NLGN1: variants seen among roughly 807,000 people sequenced by gnomAD.
The protein encoded by NLGN1 is neuroligin-1.
A neutral mutation model predicts 65.5 loss-of-function variants in NLGN1; 12 were observed. The observed-to-expected ratio is 0.18, with a 90% CI of 0.12 to 0.30. NLGN1 has a LOEUF of 0.30. NLGN1 is among the 10% of genes least tolerant of loss of function. The pLI, the probability that NLGN1 is intolerant of heterozygous loss-of-function variation, is 1.00. For synonymous variants in NLGN1, 350 were observed against 359.5 expected, an observed-to-expected ratio of 0.97 and a Z score of 0.30; for missense variants, 750 against 1,007.1, an observed-to-expected ratio of 0.74 and a Z score of 3.46.
intron 4 of NLGN1, among the ~76,000 whole-genome samples, chr3:174,058,662 T>C (rs1736712106): frequency 6.6e-6 from 1 of 152,124 alleles, no homozygotes. Flanking sequence ...TTAATAAAAC[T>C]ATTAATAAGT....
chr3:173,703,906 T>A (rs1476842252), intron 3 of NLGN1, among the ~76,000 whole-genome samples: 1 of 152,198 alleles, frequency 6.6e-6, no homozygotes, highest in Non-Finnish European at 1.5e-5. Context: ...TTATTTTAAA[T>A]GGAATGGTCT....
chr3:174,234,116 A>G (rs761207280), intron 4 of NLGN1, among the ~76,000 whole-genome samples: 38 of 152,286 alleles, frequency 2.5e-4, no homozygotes, highest in Middle Eastern at 3.4e-3. Context: ...CAGAAGAAAG[A>G]ATTCAACCAA....
At chr3:174,055,630 A>G (rs1338400816) in intron 4 of NLGN1, among the ~76,000 whole-genome samples, 4 of 152,056 alleles carry the variant, frequency 2.6e-5, no homozygotes, top group African/African-American at 7.2e-5. Flanking sequence ...CTAAGCAACA[A>G]TTGAATGCCA....
chr3:173,513,380 T>C (rs903370516), intron 2 of NLGN1, among the ~76,000 whole-genome samples: 3 of 152,286 alleles, frequency 2.0e-5, no homozygotes, highest in Admixed American at 2.0e-4. Flanking sequence ...TTCACCAATT[T>C]GTCATTTACA....
intron 3 of NLGN1, among the ~76,000 whole-genome samples, chr3:173,688,257 A>G (rs1329662728): frequency 6.6e-6 from 1 of 152,198 alleles, no homozygotes; most frequent in Non-Finnish European, 1.5e-5. Context: ...CAATTCTATT[A>G]TGGAGATTTT....
At chr3:173,443,087 A>G (rs1192008585) in intron 2 of NLGN1, among the ~76,000 whole-genome samples, 1 of 151,826 alleles carries the variant, frequency 6.6e-6, no homozygotes, top group South Asian at 2.1e-4. Context: ...TTAAAATTAA[A>G]TGCCAGTCAG....
At position 173,539,739 on chromosome 3, in the gene NLGN1, T is replaced by TAGGTACATATATAACATAC. The variant is rs1738359011; in HGVS notation, c.-320-64539_-320-64538insGGTACATATATAACATACA. ...ATGTACATATGCACATATATACATATATGTACATATATAACATATACATGT... is the reference window on the plus strand; with the variant it reads ...ATGTACATATGCACATATATACATATAGGTACATATATAACATACATGTACATATATAACATATACATGT... On this transcript the variant is annotated intron_variant, in intron 2 of 6. Coordinates refer to ENST00000457714, the Ensembl canonical transcript of NLGN1. 3.1e-5 allele frequency among the ~76,000 whole-genome samples: 4 copies of TAGGTACATATATAACATAC among 128,726 alleles called. No individual in the cohort carries two copies. The South Asian group carries it at 7.3e-4, about 24-fold the overall frequency. 84.4% of individuals were successfully genotyped at this position (128,726 alleles called of 152,430 possible).
chr3:173,961,305 G>A (rs1713505555), intron 4 of NLGN1, among the ~76,000 whole-genome samples: 1 of 151,882 alleles, frequency 6.6e-6, no homozygotes, highest in Admixed American at 6.6e-5. Context: ...AATTGTAGGA[G>A]GACCTTAAAA....
At chr3:174,269,239 T>C (rs1433857879) in intron 4 of NLGN1, among the ~76,000 whole-genome samples, 1 of 152,010 alleles carries the variant, frequency 6.6e-6, no homozygotes, top group Non-Finnish European at 1.5e-5. Flanking sequence ...AGTAACTGTA[T>C]TAATATATTA....
chr3:173,550,787 T>C (rs1392059697), intron 2 of NLGN1, among the ~76,000 whole-genome samples: 1 of 152,134 alleles, frequency 6.6e-6, no homozygotes, highest in Non-Finnish European at 1.5e-5. Flanking sequence ...AACAGCAGAA[T>C]GCAAACTAGG....
At chr3:173,845,308 C>G in intron 4 of NLGN1, among the ~76,000 whole-genome samples, 1 of 152,086 alleles carries the variant, frequency 6.6e-6, no homozygotes. Context: ...TGGGGCCTGT[C>G]TTATTGGACC....
At chr3:173,419,748 A>ATCAAGAGG (rs1354314283) in intron 1 of NLGN1, among the ~76,000 whole-genome samples, 1 of 152,034 alleles carries the variant, frequency 6.6e-6, no homozygotes, top group Non-Finnish European at 1.5e-5. Context: ...AGGTGGGTGG[A>ATCAAGAGG]TCAAGAGGTC....
chr3:173,771,583 G>T (rs1398445921), intron 3 of NLGN1, among the ~76,000 whole-genome samples: 3 of 33,656 alleles, frequency 8.9e-5, no homozygotes, highest in South Asian at 1.3e-3. Context: ...ATTGTATGAG[G>T]TTTGTATGTT....
chr3:173,870,463 A>G (rs1395469561), intron 4 of NLGN1, among the ~76,000 whole-genome samples: 2 of 152,176 alleles, frequency 1.3e-5, no homozygotes, highest in Non-Finnish European at 2.9e-5. Context: ...AGCTGGTTTT[A>G]GATAACAAAT....
rs375618792 is a variant in NLGN1 at position 173,499,487 on chromosome 3, G to A, written c.-321+64409G>A. On this transcript the variant is annotated intron_variant, in intron 2 of 6. Transcript: ENST00000457714. ...GTAGTATAGTTTGAAGTCAGGTAGC[G>A]TGATGCCTCCAGCTTTGTTCTTTTG... Among the ~76,000 whole-genome samples, 399 of 151,914 alleles carry A rather than the reference G, an allele frequency of 2.6e-3. 3 individuals carry two copies. Among genetic ancestry groups the A allele is most frequent in the East Asian group, 0.019 (100 of 5,174 alleles).
At chr3:173,446,221 C>T (rs1478234621) in intron 2 of NLGN1, among the ~76,000 whole-genome samples, 2 of 59,516 alleles carry the variant, frequency 3.4e-5, no homozygotes, top group African/African-American at 1.0e-4. Context: ...CCCCCTACCC[C>T]CACCCCACAA....
chr3:173,845,783 T>C (rs1344462178), intron 4 of NLGN1, among the ~76,000 whole-genome samples: 1 of 152,210 alleles, frequency 6.6e-6, no homozygotes, highest in Non-Finnish European at 1.5e-5. Context: ...GTAGAAGAAA[T>C]GAGCTGGATT....
chr3:174,022,203 A>G (rs983676092), intron 4 of NLGN1, among the ~76,000 whole-genome samples: 1 of 151,992 alleles, frequency 6.6e-6, no homozygotes, highest in Admixed American at 6.6e-5. Flanking sequence ...TCGGTGGGCA[A>G]CCCTTGGGTC....
At chr3:174,203,550 C>T (rs935146051) in intron 4 of NLGN1, among the ~76,000 whole-genome samples, 1 of 152,152 alleles carries the variant, frequency 6.6e-6, no homozygotes, top group African/African-American at 2.4e-5. Flanking sequence ...ATCTAGCATG[C>T]TGCTACAGCT....
Sources: allele counts gnomAD v4.1 joint callset (sites outside exome capture counted in the v4.1 genomes callset), GRCh38; gene constraint gnomAD v4.1.1; transcripts MANE v1.5; gene names NCBI Gene and HGNC (gene_info 2026-07-23, HGNC 2026-07-21).